Variants in PGR observed in about 807,000 individuals in gnomAD.
The protein encoded by PGR is progesterone receptor, also known as nuclear receptor subfamily 3 group C member 3.
Under a neutral mutation model 76.1 loss-of-function variants are expected in PGR, and 25 were observed. The observed-to-expected ratio is 0.33, with a 90% CI of 0.24 to 0.46. The LOEUF is 0.46. Among genes scored for constraint, PGR ranks in the 20% least tolerant of loss-of-function variants. The probability of loss-of-function intolerance (pLI) is 1.00; values close to 1 mark genes in which losing one functional copy is unlikely to be tolerated. For synonymous variants in PGR, 579 were observed against 535.0 expected (o/e 1.08, Z -1.14); for missense variants, 1,172 against 1,225.3 (o/e 0.96, Z 0.65).
At chr11:101,079,461 A>C (rs1861232255) in intron 3 of PGR, among the ~76,000 whole-genome samples, 1 of 152,168 alleles carries the variant, frequency 6.6e-6, no homozygotes, top group Non-Finnish European at 1.5e-5. Flanking sequence ...AGGCAAAATG[A>C]ACAGAAATTT....
intron 6 of PGR, 99 bp from the exon 7 acceptor site, chr11:101,042,201 A>T: frequency 1.6e-6 from 2 of 1,250,196 alleles, no homozygotes; most frequent in Non-Finnish European, 2.3e-6. Flanking sequence ...TTCTTCTGAT[A>T]CATGACTCTA....
In PGR at chr11:101,129,167, A is replaced by C; in HGVS notation, c.-97T>G. On this transcript the variant is annotated 5_prime_UTR_variant, in exon 1 of 8. Transcript: ENST00000325455. Reference sequence around the variant, plus strand: ...GGAATATAGGGGCAGAGGGAGGAGAAAGTGGGTGTTGAATGTGGCTGGACC... The same window carrying C: ...GGAATATAGGGGCAGAGGGAGGAGACAGTGGGTGTTGAATGTGGCTGGACC... 3.3e-6 allele frequency: 2 copies of C among 602,450 alleles called. No individual in the cohort carries two copies. Among genetic ancestry groups the C allele is most frequent in the Non-Finnish European group, 4.5e-6 (2 of 442,764 alleles). The allele number at this position is 602,450 out of a possible 1,614,324, so 37.3% of individuals were successfully genotyped here.
chr11:101,101,000 T>C (rs987853200), intron 2 of PGR, among the ~76,000 whole-genome samples: 1 of 152,184 alleles, frequency 6.6e-6, no homozygotes, highest in African/African-American at 2.4e-5. Context: ...CCAGCAGGAA[T>C]TCAGATTTTC....
rs61760979 is a variant in PGR, at chr11:101,127,781, G to T, written c.1290C>A (p.Thr430=). 1 of 1,563,016 alleles carries T rather than the reference G, an allele frequency of 6.4e-7. No individual in the cohort carries two copies. Among genetic ancestry groups the T allele is most frequent in the South Asian group, 1.2e-5 (1 of 86,518 alleles). The change falls in exon 1 of 8, where the codon ACC becomes ACA. Residue 430 remains threonine (T), a synonymous_variant. Transcript: ENST00000325455. ...CCGCCGCTTCCCCGGGTCTGGATGG[G>T]GTCGCTCGCGGCGGCAGCGGGGGCG... The part of the protein sequence containing the change: ...GPPPPLPPRA[T]PSRPGEAAVT...
chr11:101,062,573 G>A lies in PGR; in HGVS notation c.2086C>T (p.Pro696Ser), dbSNP rs1565338899. The change falls in exon 4 of 8, where the codon CCA becomes TCA. Residue 696 changes from proline to serine, a missense_variant. Around this residue, in one of 4 missense-constraint regions of PGR, gnomAD observed 166 missense variants for 296.0 expected, o/e 0.56. Transcript: ENST00000325455. ...TCATGTCCTGCATAGATCACATCTG[G>A]TTCAATGCTCATTAACAGGTTGATC... ...PLINLLMSIE[P>S]DVIYAGHDNT... 1.2e-6 allele frequency: 2 copies of A among 1,614,004 alleles called. No homozygotes were observed. The highest frequency in any genetic ancestry group is 1.7e-6 in the Non-Finnish European group (2 of 1,179,940).
chr11:101,129,322 G>T lies in PGR; in HGVS notation c.-252C>A, dbSNP rs572896924. The T allele has an allele frequency of 1.2e-5, 6 of 481,936 alleles. No individual in the cohort carries two copies. Among genetic ancestry groups the T allele is most frequent in the East Asian group, 9.3e-5 (3 of 32,140 alleles). 29.9% of individuals were successfully genotyped at this position (481,936 alleles called of 1,614,324 possible). ...TCCCAGCGAGCGGCAAGTGGGGAGC[G>T]CAAGAAAAAGTAGTAATTGTTAGGA... On this transcript the variant is annotated 5_prime_UTR_variant, in exon 1 of 8. Coordinates refer to ENST00000325455, the MANE Select transcript of PGR (RefSeq NM_000926.4).
intron 2 of PGR, among the ~76,000 whole-genome samples, chr11:101,112,002 G>A (rs1862359641): frequency 6.6e-6 from 1 of 152,202 alleles, no homozygotes; most frequent in Admixed American, 6.5e-5. Flanking sequence ...GTCGTGTCTT[G>A]AAAACCAAGC....
chr11:101,044,801 T>A (rs1386747690), intron 6 of PGR, among the ~76,000 whole-genome samples: 1 of 149,188 alleles, frequency 6.7e-6, no homozygotes, highest in African/African-American at 2.5e-5. Context: ...CCGCCTCCCA[T>A]GTTCAAGCAA....
intron 2 of PGR, among the ~76,000 whole-genome samples, chr11:101,108,416 C>T (rs896657501): frequency 6.6e-5 from 10 of 152,022 alleles, no homozygotes; most frequent in African/African-American, 2.2e-4. Flanking sequence ...CACTTCAGCC[C>T]AGGAGTTCAA....
chr11:101,100,660 A>G (rs1286205377), intron 2 of PGR, among the ~76,000 whole-genome samples: 2 of 152,004 alleles, frequency 1.3e-5, no homozygotes, highest in African/African-American at 4.8e-5. Context: ...AACAACTAGT[A>G]ATTATTTTGA....
intron 3 of PGR, among the ~76,000 whole-genome samples, chr11:101,070,659 T>C (rs1258799673): frequency 6.6e-6 from 1 of 152,168 alleles, no homozygotes; most frequent in Non-Finnish European, 1.5e-5. Flanking sequence ...CCACCATTAC[T>C]GAGGCTTGAG....
At chr11:101,064,250 G>A (rs1353602786) in intron 3 of PGR, among the ~76,000 whole-genome samples, 2 of 138,610 alleles carry the variant, frequency 1.4e-5, no homozygotes, top group East Asian at 4.3e-4. Flanking sequence ...AAAATCACTT[G>A]AACCCAGGAG....
chr11:101,085,322 T>C (rs1020483171), intron 3 of PGR, among the ~76,000 whole-genome samples: 1 of 151,234 alleles, frequency 6.6e-6, no homozygotes, highest in Non-Finnish European at 1.5e-5. Flanking sequence ...AATTAAAAAG[T>C]TTGCTCTGGA....
rs1170970440 is a variant in PGR at position 101,031,212 on chromosome 11, G to A, written c.*7904C>T. On this transcript the variant is annotated 3_prime_UTR_variant, in exon 8 of 8. Transcript: ENST00000325455. ...AGTCCCAGCACTCTGCAGTGCTGAA[G>A]CTGAAAGAATAGATAAATTCACAAG... is the stretch of plus-strand genomic sequence containing the variant. The A allele has an allele frequency of 4.6e-6, 1 of 219,340 alleles. No homozygotes were observed. Among genetic ancestry groups the A allele is most frequent in the African/African-American group, 2.2e-5 (1 of 44,600 alleles). The allele number at this position is 219,340 out of a possible 1,614,324, so 13.6% of individuals were successfully genotyped here. A position where few individuals can be genotyped will look rare whatever the true frequency, so the allele number is the denominator to read the frequency against.
intron 2 of PGR, among the ~76,000 whole-genome samples, chr11:101,094,457 CT>C (rs1441629685): frequency 6.6e-6 from 1 of 152,112 alleles, no homozygotes. Flanking sequence ...CCAGCACTTC[CT>C]TTTAAATTCC....
At chr11:101,115,091 T>C (rs1302633962) in intron 2 of PGR, among the ~76,000 whole-genome samples, 2 of 152,128 alleles carry the variant, frequency 1.3e-5, no homozygotes, top group Non-Finnish European at 2.9e-5. Context: ...AAAAGAATTA[T>C]CCTAGAAAAA....
chr11:101,093,916 C>T (rs1382798848), intron 2 of PGR, among the ~76,000 whole-genome samples: 2 of 152,186 alleles, frequency 1.3e-5, no homozygotes, highest in Non-Finnish European at 2.9e-5. Flanking sequence ...ATCTGTCTCA[C>T]TTACATTTCT....
intron 3 of PGR, among the ~76,000 whole-genome samples, chr11:101,069,210 T>C (rs941819959): frequency 7.3e-5 from 11 of 151,092 alleles, no homozygotes; most frequent in African/African-American, 2.4e-4. Context: ...AGGGTATGAA[T>C]AGACACTTCT....
At chr11:101,088,376 G>C (rs1861563625) in intron 3 of PGR, among the ~76,000 whole-genome samples, 1 of 152,120 alleles carries the variant, frequency 6.6e-6, no homozygotes, top group African/African-American at 2.4e-5. Context: ...CTGTCGCCCA[G>C]GCTGGAGTGC....
Sources: allele counts gnomAD v4.1 joint callset (sites outside exome capture counted in the v4.1 genomes callset), GRCh38; gene constraint gnomAD v4.1.1; regional missense constraint gnomAD v4.1.1; transcripts MANE v1.5; gene names NCBI Gene and HGNC (gene_info 2026-07-23, HGNC 2026-07-21).